The following CDH18 variants were observed in gnomAD, a reference collection of about 807,000 sequenced individuals.
The protein encoded by CDH18 is cadherin 18.
Under a neutral mutation model 67.9 loss-of-function variants are expected in CDH18, and 31 were observed. The observed-to-expected ratio is 0.46, with a 90% CI of 0.34 to 0.62. The LOEUF is 0.62. Among genes scored for constraint, CDH18 ranks in the 20% least tolerant of loss-of-function variants. The probability of loss-of-function intolerance (pLI) is 0.01; values close to 1 mark genes in which losing one functional copy is unlikely to be tolerated. For missense variants in CDH18, 890 were observed against 975.5 expected, an observed-to-expected ratio of 0.91 and a Z score of 1.17; for synonymous variants, 362 against 347.2, an observed-to-expected ratio of 1.04 and a Z score of -0.48.
At chr5:19,570,492 G>T (rs922521651) in intron 8 of CDH18, among the ~76,000 whole-genome samples, 2 of 152,088 alleles carry the variant, frequency 1.3e-5, no homozygotes, top group Non-Finnish European at 2.9e-5. Context: ...TTATGAAAAA[G>T]AAAATTCAGA....
chr5:20,501,243 G>A (rs1754229883), intron 1 of CDH18, among the ~76,000 whole-genome samples: 1 of 151,282 alleles, frequency 6.6e-6, no homozygotes, highest in African/African-American at 2.4e-5. Flanking sequence ...AATAACTGTG[G>A]AATTACTAAA....
chr5:19,831,474 T>C (rs888197315), intron 3 of CDH18, among the ~76,000 whole-genome samples: 2 of 152,166 alleles, frequency 1.3e-5, no homozygotes, highest in Non-Finnish European at 1.5e-5. Flanking sequence ...AAAGAAGACA[T>C]ACAAGTAGCC....
chr5:19,544,185 C>A (rs939508245), intron 8 of CDH18, among the ~76,000 whole-genome samples, 180 bp from the exon 9 acceptor site: 26 of 152,018 alleles, frequency 1.7e-4, no homozygotes, highest in Admixed American at 1.3e-3. Flanking sequence ...ATCCATCAGT[C>A]TTTAATTCTA....
At chr5:19,796,593 G>T (rs1423891389) in intron 3 of CDH18, among the ~76,000 whole-genome samples, 1 of 152,036 alleles carries the variant, frequency 6.6e-6, no homozygotes, top group African/African-American at 2.4e-5. Flanking sequence ...TCTTCAAATA[G>T]AAAGGAAATG....
rs556873748 is a variant in CDH18 at position 20,380,586 on chromosome 5, C to A, written c.-579-125081G>T. 2.0e-5 allele frequency among the ~76,000 whole-genome samples: 3 copies of A among 152,090 alleles called. No homozygotes were observed. The South Asian group carries it at 6.2e-4, about 32-fold the overall frequency. Reference sequence around the variant, plus strand: ...AACAAACTTAAGAGGAAAACTACAGCGAGTTAATTTTAGGCACACAACAGA... The same window carrying A: ...AACAAACTTAAGAGGAAAACTACAGAGAGTTAATTTTAGGCACACAACAGA... On this transcript the variant is annotated intron_variant, in intron 1 of 14. Coordinates refer to the CDH18 transcript ENST00000507958.
At chr5:19,868,020 A>G (rs1488187445) in intron 2 of CDH18, among the ~76,000 whole-genome samples, 4 of 152,198 alleles carry the variant, frequency 2.6e-5, no homozygotes, top group Non-Finnish European at 4.4e-5. Flanking sequence ...CACATGAAGA[A>G]GGACGTGTTT....
intron 2 of CDH18, among the ~76,000 whole-genome samples, chr5:19,861,778 T>C (rs1240853840): frequency 6.6e-6 from 1 of 152,104 alleles, no homozygotes; most frequent in African/African-American, 2.4e-5. Flanking sequence ...CTTCCAATTA[T>C]TAAGTTGTGG....
intron 2 of CDH18, among the ~76,000 whole-genome samples, chr5:20,074,515 C>T (rs1743757557): frequency 6.6e-6 from 1 of 152,082 alleles, no homozygotes; most frequent in East Asian, 1.9e-4. Flanking sequence ...TCCAAATTAA[C>T]AGATCAAAAA....
intron 2 of CDH18, among the ~76,000 whole-genome samples, chr5:19,940,966 C>T (rs1333542044): frequency 3.9e-5 from 6 of 152,006 alleles, no homozygotes; most frequent in Non-Finnish European, 7.4e-5. Flanking sequence ...AAAATAGTAT[C>T]CCCATCCTAA....
intron 6 of CDH18, among the ~76,000 whole-genome samples, chr5:19,596,718 C>G (rs535127182): frequency 3.3e-5 from 5 of 152,226 alleles, no homozygotes; most frequent in African/African-American, 9.6e-5. Context: ...ATTCCTGGTA[C>G]AGGCAGATTA....
At chr5:19,978,226 T>C (rs1798691268) in intron 2 of CDH18, among the ~76,000 whole-genome samples, 1 of 152,054 alleles carries the variant, frequency 6.6e-6, no homozygotes, top group South Asian at 2.1e-4. Context: ...GATAAGAACG[T>C]ATTCATTAGG....
intron 2 of CDH18, among the ~76,000 whole-genome samples, chr5:20,080,006 A>G (rs28417687): frequency 0.035 from 5,366 of 152,202 alleles, 316 homozygotes; most frequent in African/African-American, 0.12. Context: ...TCACATTTCA[A>G]AGAACTCACC....
intron 2 of CDH18, among the ~76,000 whole-genome samples, chr5:20,250,852 C>T (rs538448203): frequency 2.0e-5 from 3 of 152,124 alleles, no homozygotes; most frequent in African/African-American, 7.2e-5. Context: ...GTGATCCGCC[C>T]GCCTTGGCCT....
At chr5:20,516,967 G>C (rs1755418740) in intron 1 of CDH18, among the ~76,000 whole-genome samples, 1 of 151,814 alleles carries the variant, frequency 6.6e-6, no homozygotes, top group Non-Finnish European at 1.5e-5. Flanking sequence ...CTTAGATCTT[G>C]CATACAGTAG....
intron 1 of CDH18, among the ~76,000 whole-genome samples, chr5:20,336,652 G>A (rs1739776257): frequency 7.3e-6 from 1 of 136,214 alleles, no homozygotes; most frequent in African/African-American, 2.7e-5. Flanking sequence ...GAACCCGGGA[G>A]GCATAGCTTC....
intron 2 of CDH18, among the ~76,000 whole-genome samples, chr5:19,928,372 A>T (rs1274573025): frequency 6.6e-6 from 1 of 152,178 alleles, no homozygotes; most frequent in Non-Finnish European, 1.5e-5. Flanking sequence ...GCATTATACA[A>T]AAACTATGAG....
intron 1 of CDH18, among the ~76,000 whole-genome samples, chr5:20,454,008 C>T (rs796788306): frequency 8.5e-5 from 13 of 152,196 alleles, no homozygotes; most frequent in Non-Finnish European, 1.5e-4. Context: ...ACTATATGCT[C>T]TTCTGAAGAG....
intron 2 of CDH18, among the ~76,000 whole-genome samples, chr5:19,877,211 A>C (rs1787110416): frequency 6.6e-6 from 1 of 152,074 alleles, no homozygotes; most frequent in East Asian, 1.9e-4. Context: ...AAAAACTTTC[A>C]AACTGTAAAA....
intron 5 of CDH18, among the ~76,000 whole-genome samples, chr5:19,679,616 T>C (rs1360872156): frequency 6.6e-6 from 1 of 151,498 alleles, no homozygotes; most frequent in African/African-American, 2.4e-5. Context: ...TTTCAATGTA[T>C]AAAAATCAGT....
Sources: allele counts gnomAD v4.1 joint callset (sites outside exome capture counted in the v4.1 genomes callset), GRCh38; gene constraint gnomAD v4.1.1; transcripts MANE v1.5; gene names NCBI Gene and HGNC (gene_info 2026-07-23, HGNC 2026-07-21).